RC3H1: variants seen among roughly 807,000 people sequenced by gnomAD.
RC3H1 encodes the protein ring finger and CCCH-type domains 1.
In RC3H1, 50 loss-of-function variants were observed where a neutral mutation model predicts 138.2. The ratio of observed to expected loss-of-function variants is 0.36; its 90% confidence interval spans 0.29 to 0.46. The LOEUF (loss-of-function observed/expected upper bound fraction) is 0.46. Ranked by LOEUF, RC3H1 falls within the 20% of genes least tolerant of loss-of-function variation. RC3H1 has a pLI of 1.00. For synonymous variants in RC3H1, 462 were observed against 489.1 expected, an observed-to-expected ratio of 0.94 and a Z score of 0.73; for missense variants, 1,031 against 1,388.1, an observed-to-expected ratio of 0.74 and a Z score of 4.09.
At chr1:173,953,139 T>A (rs569163729) in intron 13 of RC3H1, among the ~76,000 whole-genome samples, 66 of 152,148 alleles carry the variant, frequency 4.3e-4, no homozygotes, top group African/African-American at 1.5e-3. Context: ...CACTCTTCTG[T>A]CTCTATTATT....
chr1:173,960,984 A>G lies in RC3H1; in HGVS notation c.2370+93T>C, dbSNP rs536672412. ...ACCTTTCAGAGGAAAACAGGAAAAA[A>G]AATCTTCACACCATTGGGAATAGGC... On this transcript the variant is annotated intron_variant, in intron 13 of 19. Coordinates refer to ENST00000367696, the MANE Select transcript of RC3H1 (RefSeq NM_172071.4). 7.1e-6 allele frequency: 9 copies of G among 1,275,268 alleles called. No homozygotes were observed. The East Asian group carries it at 2.2e-4, about 30-fold the overall frequency. 79.0% of individuals were successfully genotyped at this position (1,275,268 alleles called of 1,614,324 possible). A position where few individuals can be genotyped will look rare whatever the true frequency, so the allele number is the denominator to read the frequency against.
intron 1 of RC3H1, among the ~76,000 whole-genome samples, chr1:174,021,062 G>C (rs186079876): frequency 1.3e-5 from 2 of 152,256 alleles, no homozygotes. Context: ...GACTGGTCTT[G>C]AACAATTTCA....
intron 2 of RC3H1, among the ~76,000 whole-genome samples, chr1:173,989,511 T>C (rs902809548): frequency 2.1e-4 from 32 of 152,142 alleles, no homozygotes; most frequent in Non-Finnish European, 3.2e-4. Context: ...CTTTGAAATA[T>C]AGTTTTTAAT....
At chr1:174,020,168 G>GA (rs1661932445) in intron 1 of RC3H1, among the ~76,000 whole-genome samples, 1 of 149,606 alleles carries the variant, frequency 6.7e-6, no homozygotes. Context: ...TTGAGCACCT[G>GA]AAAAACGGTG....
At chr1:173,978,193 T>C (rs1293235966) in intron 7 of RC3H1, among the ~76,000 whole-genome samples, 1 of 151,956 alleles carries the variant, frequency 6.6e-6, no homozygotes, top group Non-Finnish European at 1.5e-5. Context: ...GAGGTAAGAA[T>C]GGTAAAATAC....
chr1:173,972,512 C>A lies in RC3H1; in HGVS notation c.1218G>T (p.Gln406His), dbSNP rs138122259. Residue 406 changes from glutamine to histidine, a missense_variant, in exon 8 of 20, where the codon CAG becomes CAT. Around this residue, in one of 7 missense-constraint regions of RC3H1, gnomAD observed 142 missense variants for 224.6 expected, o/e 0.63. Coordinates refer to ENST00000367696, the MANE Select transcript of RC3H1 (RefSeq NM_172071.4). ...AAGTTTTAAACAGCTTCCTTACCTG[C>A]TGCTGATCTGCTCCTTTTTTGCTGT... Reference protein sequence around the residue: ...QNHSKKGADQQQPPQHSKYKT... With the variant: ...QNHSKKGADQHQPPQHSKYKT... 1.9e-6 allele frequency: 3 copies of A among 1,610,282 alleles called. No individual in the cohort carries two copies. The highest frequency in any genetic ancestry group is 3.3e-5 in the Admixed American group (2 of 60,020).
intron 6 of RC3H1, among the ~76,000 whole-genome samples, chr1:173,979,373 C>G (rs1400436412): frequency 6.6e-6 from 1 of 152,192 alleles, no homozygotes; most frequent in East Asian, 1.9e-4. Flanking sequence ...CCAGGCCAGG[C>G]ACAGTGGCTC....
intron 2 of RC3H1, among the ~76,000 whole-genome samples, chr1:173,990,509 C>A (rs1469711431): frequency 7.7e-6 from 1 of 130,004 alleles, no homozygotes; most frequent in South Asian, 2.2e-4. Context: ...ATTTAACAGT[C>A]TTTATTAAGG....
intron 7 of RC3H1, 33 bp downstream of exon 7, chr1:173,978,455 A>G (rs761082154): frequency 6.2e-7 from 1 of 1,611,406 alleles, no homozygotes; most frequent in East Asian, 2.2e-5. Flanking sequence ...AAAGGCACAT[A>G]TAAGATAGTC....
At chr1:173,978,746 T>C (rs1015366770) in intron 6 of RC3H1, 126 bp from the exon 7 acceptor site, 1 of 1,000,192 alleles carries the variant, frequency 1.0e-6, no homozygotes, top group African/African-American at 1.6e-5. Context: ...TACCCTACAC[T>C]TTGGCCAGAG....
At position 173,932,836 on chromosome 1, in the gene RC3H1, T is replaced by C. The variant is rs1463549467; in HGVS notation, c.*5885A>G. ...TAATAATAATAATAGAGCAACCAATTATTCACCCAATAGTTTGTTTCCAAT... is the reference window on the plus strand; with the variant it reads ...TAATAATAATAATAGAGCAACCAATCATTCACCCAATAGTTTGTTTCCAAT... On this transcript the variant is annotated 3_prime_UTR_variant, in exon 20 of 20. Coordinates refer to ENST00000367696, the MANE Select transcript of RC3H1 (RefSeq NM_172071.4). The C allele has an allele frequency of 1.3e-5, 2 of 152,084 alleles. No homozygotes were observed. Among genetic ancestry groups the C allele is most frequent in the Non-Finnish European group, 2.9e-5 (2 of 67,972 alleles). The allele number at this position is 152,084 out of a possible 1,614,324, so 9.4% of individuals were successfully genotyped here.
In RC3H1 at chr1:173,936,452, T is replaced by C. The variant is rs1345656081; in HGVS notation, c.*2269A>G. 2 of 131,422 alleles carry C rather than the reference T, an allele frequency of 1.5e-5. No homozygotes were observed. Among genetic ancestry groups the C allele is most frequent in the African/African-American group, 6.0e-5 (2 of 33,314 alleles). 8.1% of individuals were successfully genotyped at this position (131,422 alleles called of 1,614,324 possible). On this transcript the variant is annotated 3_prime_UTR_variant, in exon 20 of 20. Coordinates refer to ENST00000367696, the MANE Select transcript of RC3H1 (RefSeq NM_172071.4). The stretch of plus-strand genomic sequence containing the variant: ...TCGCTTGAACCCGGGAGGTGGAGGT[T>C]GTAGCGAGCCGAGATCAACCCACTG...
intron 1 of RC3H1, among the ~76,000 whole-genome samples, chr1:174,015,435 T>A (rs574667204): frequency 4.7e-4 from 71 of 151,966 alleles, no homozygotes; most frequent in African/African-American, 1.7e-3. Context: ...TGATTTCAGC[T>A]CACTGCAACC....
chr1:174,005,396 G>T (rs1661635197), intron 1 of RC3H1, among the ~76,000 whole-genome samples: 1 of 151,952 alleles, frequency 6.6e-6, no homozygotes, highest in Non-Finnish European at 1.5e-5. Flanking sequence ...ATTTTAGAGT[G>T]GTTTGTTATT....
At chr1:173,979,751 A>C (rs1377476945) in intron 6 of RC3H1, among the ~76,000 whole-genome samples, 1 of 152,238 alleles carries the variant, frequency 6.6e-6, no homozygotes, top group East Asian at 1.9e-4. Context: ...GTTTCCGTAA[A>C]TTATAAATGA....
chr1:173,944,244 T>G (rs1659036638), intron 17 of RC3H1, among the ~76,000 whole-genome samples: 1 of 152,020 alleles, frequency 6.6e-6, no homozygotes, highest in South Asian at 2.1e-4. Context: ...TCCCCCTCTG[T>G]TTTTAATGGT....
In RC3H1 at chr1:173,961,787, G is replaced by C; in HGVS notation, c.2140C>G (p.Gln714Glu). Residue 714 changes from glutamine to glutamate, a missense_variant, in exon 12 of 20, where the codon CAG (glutamine) becomes GAG (glutamate). This residue lies in a region of RC3H1 where 716 missense variants were observed against 837.9 expected (regional missense o/e 0.85). Transcript: ENST00000367696. Reference protein sequence around the residue: ...YVPESRERYQQIESYYPVAPH... With the variant: ...YVPESRERYQEIESYYPVAPH... Reference sequence around the variant, plus strand: ...GCCACTGGATAGTAACTCTCGATCTGTTGGTATCTTTCTCTGGATTCTGGT... The same window carrying C: ...GCCACTGGATAGTAACTCTCGATCTCTTGGTATCTTTCTCTGGATTCTGGT... 1 of 1,613,372 alleles carries C rather than the reference G, an allele frequency of 6.2e-7. No homozygotes were observed. Among genetic ancestry groups the C allele is most frequent in the Non-Finnish European group, 8.5e-7 (1 of 1,179,982 alleles).
chr1:174,006,309 C>T (rs976442111), intron 1 of RC3H1, among the ~76,000 whole-genome samples: 1 of 152,202 alleles, frequency 6.6e-6, no homozygotes, highest in Non-Finnish European at 1.5e-5. Flanking sequence ...CTACCTACAA[C>T]TATCTTCATA....
intron 1 of RC3H1, among the ~76,000 whole-genome samples, chr1:174,020,609 T>G (rs1318693507): frequency 6.6e-6 from 1 of 152,224 alleles, no homozygotes. Context: ...CTTGGATGTA[T>G]CCAAGCGATT....
Sources: allele counts gnomAD v4.1 joint callset (sites outside exome capture counted in the v4.1 genomes callset), GRCh38; gene constraint gnomAD v4.1.1; regional missense constraint gnomAD v4.1.1; transcripts MANE v1.5; gene names NCBI Gene and HGNC (gene_info 2026-07-23, HGNC 2026-07-21).